The following NR6A1 variants were observed in gnomAD, a reference collection of about 807,000 sequenced individuals.
The protein encoded by NR6A1 is nuclear receptor subfamily 6 group A member 1.
NR6A1 carries 7 observed loss-of-function variants against 59.1 expected under a neutral mutation model. That is an observed-to-expected ratio of 0.12 (90% CI 0.07 to 0.22). The LOEUF (loss-of-function observed/expected upper bound fraction) is 0.22. Among genes scored for constraint, NR6A1 ranks in the 10% least tolerant of loss-of-function variants. The probability of loss-of-function intolerance (pLI) is 1.00; values close to 1 mark genes in which losing one functional copy is unlikely to be tolerated. For synonymous variants in NR6A1, 243 were observed against 236.1 expected, an observed-to-expected ratio of 1.03 and a Z score of -0.27; for missense variants, 468 against 611.6, an observed-to-expected ratio of 0.77 and a Z score of 2.48.
intron 2 of NR6A1, among the ~76,000 whole-genome samples, chr9:124,705,249 TATCA>T (rs1294146139): frequency 1.6e-4 from 25 of 152,354 alleles, no homozygotes; most frequent in African/African-American, 6.0e-4. Context: ...GCTAATTTCC[TATCA>T]ATTATTGCTA....
At chr9:124,597,529 G>A (rs1359186199) in intron 2 of NR6A1, among the ~76,000 whole-genome samples, 1 of 152,118 alleles carries the variant, frequency 6.6e-6, no homozygotes, top group African/African-American at 2.4e-5. Flanking sequence ...GTGCTTTACT[G>A]CACCAACTTT....
intron 2 of NR6A1, among the ~76,000 whole-genome samples, chr9:124,652,691 C>T (rs1837141138): frequency 6.6e-6 from 1 of 152,152 alleles, no homozygotes; most frequent in Admixed American, 6.5e-5. Flanking sequence ...AGATACAGCC[C>T]TTCCCATATC....
chr9:124,586,868 A>G (rs1183441596), intron 2 of NR6A1, among the ~76,000 whole-genome samples: 1 of 152,254 alleles, frequency 6.6e-6, no homozygotes, highest in Non-Finnish European at 1.5e-5. Context: ...AAGATTTAGA[A>G]TATTACATTA....
chr9:124,603,688 A>G (rs1835507586), intron 2 of NR6A1, among the ~76,000 whole-genome samples: 1 of 152,158 alleles, frequency 6.6e-6, no homozygotes, highest in Admixed American at 6.5e-5. Context: ...TTTGCCAACC[A>G]GTGTATCTCC....
intron 2 of NR6A1, among the ~76,000 whole-genome samples, chr9:124,679,662 A>T (rs1394203378): frequency 6.6e-6 from 1 of 151,980 alleles, no homozygotes; most frequent in Non-Finnish European, 1.5e-5. Context: ...AGGCCAAGGC[A>T]GTGGATCACT....
intron 2 of NR6A1, among the ~76,000 whole-genome samples, chr9:124,667,861 T>G (rs775057128): frequency 6.6e-6 from 1 of 152,156 alleles, no homozygotes; most frequent in Non-Finnish European, 1.5e-5. Flanking sequence ...AGACAAAAAT[T>G]TAATCATAAC....
At chr9:124,665,571 TG>T (rs1564226312) in intron 2 of NR6A1, among the ~76,000 whole-genome samples, 1 of 152,198 alleles carries the variant, frequency 6.6e-6, no homozygotes, top group Non-Finnish European at 1.5e-5. Flanking sequence ...GGGTATGAAA[TG>T]ATGTTGCAGG....
At chr9:124,589,459 C>A (rs1157386340) in intron 2 of NR6A1, among the ~76,000 whole-genome samples, 2 of 150,992 alleles carry the variant, frequency 1.3e-5, no homozygotes, top group Non-Finnish European at 2.9e-5. Flanking sequence ...AACAAACAAA[C>A]AAAAAATAAA....
chr9:124,566,680 A>C (rs1834250299), intron 2 of NR6A1, among the ~76,000 whole-genome samples: 1 of 152,202 alleles, frequency 6.6e-6, no homozygotes, highest in Non-Finnish European at 1.5e-5. Flanking sequence ...AGGAGAGATG[A>C]AGAGAGGAGG....
chr9:124,751,572 T>C (rs913954220), intron 1 of NR6A1, among the ~76,000 whole-genome samples: 6 of 152,208 alleles, frequency 3.9e-5, no homozygotes, highest in African/African-American at 1.2e-4. Flanking sequence ...TTATATATTC[T>C]AGCTTATACC....
intron 2 of NR6A1, among the ~76,000 whole-genome samples, chr9:124,594,471 C>T (rs1310480812): frequency 6.6e-6 from 1 of 152,174 alleles, no homozygotes; most frequent in Non-Finnish European, 1.5e-5. Context: ...TGCTCTGGGA[C>T]TCTGCCAGCT....
intron 2 of NR6A1, among the ~76,000 whole-genome samples, chr9:124,729,201 G>T (rs1172599265): frequency 6.6e-6 from 1 of 152,036 alleles, no homozygotes; most frequent in Non-Finnish European, 1.5e-5. Context: ...TTGAGGGAAA[G>T]GTCACGTATT....
intron 2 of NR6A1, among the ~76,000 whole-genome samples, chr9:124,568,697 A>G (rs1834348320): frequency 6.6e-6 from 1 of 151,920 alleles, no homozygotes; most frequent in African/African-American, 2.4e-5. Flanking sequence ...CCAAGGACAC[A>G]GCAAATCAGT....
chr9:124,731,472 C>G (rs993093182), intron 2 of NR6A1, among the ~76,000 whole-genome samples: 1 of 152,118 alleles, frequency 6.6e-6, no homozygotes, highest in East Asian at 1.9e-4. Context: ...GAAAACACAG[C>G]TGGACCTCGA....
Position 124,633,862 on chromosome 9 carries a change from G to A in NR6A1, c.143-79292C>T, listed in dbSNP as rs548432142. 3.9e-5 allele frequency among the ~76,000 whole-genome samples: 6 copies of A among 152,348 alleles called. No individual in the cohort carries two copies. In the East Asian group the frequency reaches 9.6e-4, roughly 24 times the overall value. ...ATGTGGACTGCCTATACCTCAGAGA[G>A]AGTTGGTTGTTTTTTAAACACTTCC... is the stretch of plus-strand genomic sequence containing the variant. On this transcript the variant is annotated intron_variant, in intron 2 of 9. Coordinates refer to ENST00000487099, the MANE Select transcript of NR6A1 (RefSeq NM_033334.4).
chr9:124,536,121 G>C lies in NR6A1; in HGVS notation c.836C>G (p.Thr279Arg). 1.9e-6 allele frequency: 3 copies of C among 1,613,024 alleles called. No individual in the cohort carries two copies. Among genetic ancestry groups the C allele is most frequent in the Non-Finnish European group, 2.5e-6 (3 of 1,179,278 alleles). ...PMLIEDGYAV[T>R]QAELFALLCR... Reference sequence around the variant, plus strand: ...AAGCAGGGCAAATAGTTCTGCCTGTGTCACAGCGTATCTGAGGGGCAGGGA... The same window carrying C: ...AAGCAGGGCAAATAGTTCTGCCTGTCTCACAGCGTATCTGAGGGGCAGGGA... Residue 279 changes from threonine to arginine, a missense_variant, in exon 7 of 10, where the codon ACA (threonine) becomes AGA (arginine). Thr to Arg is a moderately conservative substitution (Grantham distance 71). This residue lies in a region of NR6A1 where 176 missense variants were observed against 264.0 expected (regional missense o/e 0.67). Transcript: ENST00000487099.
At chr9:124,539,641 A>T (rs1195778893) in intron 5 of NR6A1, among the ~76,000 whole-genome samples, 1 of 152,266 alleles carries the variant, frequency 6.6e-6, no homozygotes, top group Middle Eastern at 3.2e-3. Flanking sequence ...CTTAAAATTT[A>T]TAAAGTGAAA....
chr9:124,730,597 G>A (rs1344227362), intron 2 of NR6A1, among the ~76,000 whole-genome samples: 1 of 127,430 alleles, frequency 7.8e-6, no homozygotes, highest in Non-Finnish European at 1.6e-5. Context: ...CTATACTGAT[G>A]TATAAAATTA....
chr9:124,712,016 T>C (rs1839293506), intron 2 of NR6A1, among the ~76,000 whole-genome samples: 1 of 151,970 alleles, frequency 6.6e-6, no homozygotes, highest in Admixed American at 6.6e-5. Flanking sequence ...TTGTTCCGAG[T>C]TTTGCAAGCA....
Sources: allele counts gnomAD v4.1 joint callset (sites outside exome capture counted in the v4.1 genomes callset), GRCh38; gene constraint gnomAD v4.1.1; regional missense constraint gnomAD v4.1.1; transcripts MANE v1.5; gene names NCBI Gene and HGNC (gene_info 2026-07-23, HGNC 2026-07-21).